Variants in ABHD3 observed in about 807,000 individuals in gnomAD.
ABHD3 encodes the protein abhydrolase domain containing 3, phospholipase, also known as phospholipase ABHD3.
ABHD3 carries 46 observed loss-of-function variants against 48.8 expected under a neutral mutation model. That is an observed-to-expected ratio of 0.94 (90% confidence interval 0.74 to 1.20). ABHD3 has a LOEUF of 1.20. Among genes scored for constraint, ABHD3 ranks in the 50% most tolerant of loss-of-function variants. The probability of loss-of-function intolerance (pLI) is 0.00; values close to 1 mark genes in which losing one functional copy is unlikely to be tolerated. For synonymous variants in ABHD3, 192 were observed against 183.7 expected (o/e 1.04, Z -0.36); for missense variants, 490 against 497.8 (o/e 0.98, Z 0.15).
intron 3 of ABHD3, among the ~76,000 whole-genome samples, chr18:21,698,929 G>A (rs2040446102): frequency 6.8e-6 from 1 of 146,462 alleles, no homozygotes; most frequent in Admixed American, 6.7e-5. Flanking sequence ...ACCCAACCAA[G>A]TACTTTACAC....
intron 3 of ABHD3, among the ~76,000 whole-genome samples, chr18:21,690,625 C>T (rs1299981969): frequency 6.6e-6 from 1 of 151,924 alleles, no homozygotes; most frequent in Non-Finnish European, 1.5e-5. Context: ...AAATCCACCA[C>T]ATTAACAATT....
At chr18:21,689,574 A>AAAAAAT (rs1555681996) in intron 3 of ABHD3, among the ~76,000 whole-genome samples, 2 of 148,608 alleles carry the variant, frequency 1.3e-5, no homozygotes, top group South Asian at 2.1e-4. Flanking sequence ...AAAAAAAAAA[A>AAAAAAT]GGGAAATGCT....
intron 3 of ABHD3, among the ~76,000 whole-genome samples, chr18:21,688,585 AG>A (rs1301186865): frequency 6.6e-6 from 1 of 152,216 alleles, no homozygotes; most frequent in African/African-American, 2.4e-5. Context: ...GGTACAATCT[AG>A]TTAGATTGAA....
chr18:21,695,629 T>C (rs1485525916), intron 3 of ABHD3, among the ~76,000 whole-genome samples: 3 of 152,114 alleles, frequency 2.0e-5, no homozygotes, highest in Non-Finnish European at 2.9e-5. Context: ...TGCCATTACT[T>C]TTAATGGCAA....
In ABHD3 at chr18:21,696,865, G is replaced by C. The variant is rs190437323; in HGVS notation, c.509+5451C>G. Among the ~76,000 whole-genome samples, 528 of 152,044 alleles carry C rather than the reference G, an allele frequency of 3.5e-3. 6 individuals carry two copies. The highest frequency in any genetic ancestry group is 0.012 in the African/African-American group (511 of 41,462). On this transcript the variant is annotated intron_variant, in intron 3 of 8. Coordinates refer to ENST00000289119, the MANE Select transcript of ABHD3 (RefSeq NM_138340.5). ...ATTATAGGAATAAGCCACTGCACCT[G>C]GCATTCCTGGCCTCTCTTATTTTAT...
chr18:21,694,323 C>T (rs1429086391), intron 3 of ABHD3, among the ~76,000 whole-genome samples: 1 of 152,084 alleles, frequency 6.6e-6, no homozygotes, highest in Non-Finnish European at 1.5e-5. Context: ...TCTCGAACTC[C>T]TGACGTCAAG....
Position 21,664,179 on chromosome 18 carries a change from G to A in ABHD3, c.607C>T (p.His203Tyr). Reference protein sequence around the residue: ...ANTEDLETVIHHVHSLYPSAP... With the variant: ...ANTEDLETVIYHVHSLYPSAP... Reference sequence around the variant, plus strand: ...GAAGGGTACAGGCTGTGTACATGGTGAATAACTGTCTCCAAGTCTTCAGTG... The same window carrying A: ...GAAGGGTACAGGCTGTGTACATGGTAAATAACTGTCTCCAAGTCTTCAGTG... The change falls in exon 5 of 9, where the codon CAC becomes TAC. Residue 203 changes from histidine (H) to tyrosine (Y), a missense_variant. His to Tyr is a moderately conservative substitution (Grantham distance 83). Coordinates refer to ENST00000289119, the MANE Select transcript of ABHD3 (RefSeq NM_138340.5). The A allele has an allele frequency of 1.2e-6, 2 of 1,614,102 alleles. No homozygotes were observed. The highest frequency in any genetic ancestry group is 1.7e-6 in the Non-Finnish European group (2 of 1,180,018).
At chr18:21,662,658 T>C (rs1276427688) in intron 5 of ABHD3, among the ~76,000 whole-genome samples, 1 of 152,112 alleles carries the variant, frequency 6.6e-6, no homozygotes, top group Admixed American at 6.6e-5. Flanking sequence ...TGTCAAGATA[T>C]AAAACACATC....
chr18:21,686,680 T>C (rs1170954772), intron 3 of ABHD3, among the ~76,000 whole-genome samples: 8 of 152,200 alleles, frequency 5.3e-5, no homozygotes, highest in Admixed American at 4.6e-4. Flanking sequence ...CATCATTGTA[T>C]ACTTAAAGCC....
intron 3 of ABHD3, 34 bp from the exon 4 acceptor site, chr18:21,683,999 A>G: frequency 6.4e-7 from 1 of 1,570,626 alleles, no homozygotes; most frequent in Admixed American, 1.8e-5. Flanking sequence ...TGTTATTTTT[A>G]CACATGATTC....
At chr18:21,674,223 ATTCT>A (rs1030046476) in intron 4 of ABHD3, among the ~76,000 whole-genome samples, 3 of 104,392 alleles carry the variant, frequency 2.9e-5, no homozygotes, top group African/African-American at 7.5e-5. Flanking sequence ...TCAACAAAAC[ATTCT>A]TTCTTTTATT....
intron 3 of ABHD3, among the ~76,000 whole-genome samples, chr18:21,689,549 C>CAAAAA (rs36011228): frequency 0.044 from 1,843 of 41,526 alleles, 353 homozygotes; most frequent in African/African-American, 0.16. Flanking sequence ...AATCTGGTCT[C>CAAAAA]AAAAAAAAAA....
intron 4 of ABHD3, among the ~76,000 whole-genome samples, chr18:21,676,255 T>C (rs374232985): frequency 6.6e-5 from 10 of 152,330 alleles, no homozygotes; most frequent in African/African-American, 1.9e-4. Context: ...CCACCAAACT[T>C]AGGTAAATCA....
chr18:21,697,508 T>C (rs1351336380), intron 3 of ABHD3, among the ~76,000 whole-genome samples: 1 of 152,146 alleles, frequency 6.6e-6, no homozygotes, highest in Non-Finnish European at 1.5e-5. Flanking sequence ...GCCTCCCAAG[T>C]AGCTGGAATT....
At chr18:21,680,298 G>A (rs759751006) in intron 4 of ABHD3, among the ~76,000 whole-genome samples, 2 of 152,180 alleles carry the variant, frequency 1.3e-5, no homozygotes, top group Admixed American at 6.5e-5. Flanking sequence ...TTACAGGTGT[G>A]AGTCACCGTG....
intron 4 of ABHD3, among the ~76,000 whole-genome samples, chr18:21,669,143 G>T (rs1324085286): frequency 6.6e-6 from 1 of 152,130 alleles, no homozygotes; most frequent in Non-Finnish European, 1.5e-5. Flanking sequence ...GGGAGGTAGA[G>T]GCTGCAGTGA....
chr18:21,686,217 G>T (rs2040125893), intron 3 of ABHD3, among the ~76,000 whole-genome samples: 1 of 152,186 alleles, frequency 6.6e-6, no homozygotes, highest in East Asian at 1.9e-4. Flanking sequence ...ATCTTTTCTT[G>T]CTAAAAACAA....
In ABHD3 at chr18:21,651,429, AGTT is replaced by A. The variant is rs1256028118; in HGVS notation, c.*159_*161del. On this transcript the variant is annotated 3_prime_UTR_variant, in exon 9 of 9. Transcript: ENST00000289119. ...TACTATATTTAATTTGTTGCTACAA[AGTT>A]GTTTTGTTTCTCTAAAAAGTAGTTT... 1.5e-5 allele frequency: 10 copies of A among 660,166 alleles called. No homozygotes were observed. The African/African-American group carries it at 1.7e-4, about 11-fold the overall frequency. 40.9% of individuals were successfully genotyped at this position (660,166 alleles called of 1,614,324 possible). A position where few individuals can be genotyped will look rare whatever the true frequency, so the allele number is the denominator to read the frequency against.
intron 2 of ABHD3, 23 bp from the exon 3 acceptor site, chr18:21,702,521 C>T (rs1247574590): frequency 1.3e-6 from 2 of 1,522,540 alleles, no homozygotes; most frequent in Non-Finnish European, 1.8e-6. Flanking sequence ...ATTCAGAAGA[C>T]ATTACTATTT....
Sources: gnomAD v4.1 joint callset for allele counts (sites outside exome capture counted in the v4.1 genomes callset) on GRCh38, gnomAD v4.1.1 for gene constraint, MANE v1.5 for transcripts, NCBI Gene and HGNC (gene_info 2026-07-23, HGNC 2026-07-21) for gene names.